The following GPR132 variants were observed in gnomAD, a reference collection of about 807,000 sequenced individuals.
GPR132 encodes the protein probable G protein-coupled receptor 132.
Under a neutral mutation model 1.9 loss-of-function variants are expected in GPR132, and 4 were observed. The ratio of observed to expected loss-of-function variants is 2.13; its 90% CI spans 1.05 to 4.87. The LOEUF is 4.87. GPR132 is among the 30% of genes most tolerant of loss of function. The probability of loss-of-function intolerance (pLI) is 0.01; values close to 1 mark genes in which losing one functional copy is unlikely to be tolerated. For missense variants in GPR132, 404 were observed against 512.5 expected (o/e 0.79, Z 2.04); for synonymous variants, 233 against 234.2 (o/e 0.99, Z 0.05).
Position 105,054,571 on chromosome 14 carries a change from C to T in GPR132, c.34+816G>A, listed in dbSNP as rs138636247. The T allele has an allele frequency of 9.2e-3, 1,974 of 214,960 alleles. 14 individuals are homozygous for T. The highest frequency in any genetic ancestry group is 0.019 in the Admixed American group (285 of 15,286). The allele number at this position is 214,960 out of a possible 1,614,324, so 13.3% of individuals were successfully genotyped here. A position where few individuals can be genotyped will look rare whatever the true frequency, so the allele number is the denominator to read the frequency against. On this transcript the variant is annotated intron_variant, in intron 3 of 3. Transcript: ENST00000329797. ...TCAGCCTCCCGAGTAGCTGGGACTA[C>T]AGGCACTCGCCACCACGCCCATCTA...
At position 105,051,091 on chromosome 14, in the gene GPR132, G is replaced by A. The variant is rs796551979; in HGVS notation, c.1046C>T (p.Ser349Leu). 4.3e-6 allele frequency: 7 copies of A among 1,614,106 alleles called. No homozygotes were observed. Among genetic ancestry groups the A allele is most frequent in the East Asian group, 4.5e-5 (2 of 44,886 alleles). ...THSRDTEELQ[S>L]PVALADHYTF... ...GTAGTGGTCTGCAAGGGCCACGGGC[G>A]ACTGCAGCTCCTCGGTGTCCCTGCT... The change falls in exon 4 of 4, where the codon TCG (serine) becomes TTG (leucine). Residue 349 changes from serine to leucine, a missense_variant. Physicochemically the swap from Ser to Leu is moderately radical, Grantham distance 145. Coordinates refer to ENST00000329797, the MANE Select transcript of GPR132 (RefSeq NM_013345.4). The surrounding 1 kb of genome is among the most constrained non-coding windows in gnomAD (Gnocchi z 8.0).
chr14:105,063,766 T>C (rs1887011634), intron 1 of GPR132, among the ~76,000 whole-genome samples: 1 of 152,176 alleles, frequency 6.6e-6, no homozygotes, highest in African/African-American at 2.4e-5. Context: ...GAGCAGTTCC[T>C]CATTCCAGCC....
At position 105,059,079 on chromosome 14, in the gene GPR132, G is replaced by A. The variant is rs993625227; in HGVS notation, c.-860-1799C>T. On this transcript the variant is annotated intron_variant, in intron 1 of 3. Transcript: ENST00000329797. This position sits in a 1 kb window ranked among gnomAD's most constrained non-coding sequence, Gnocchi z 4.2. ...TGCCTGGTGCTGCCCTCTATCAGCC[G>A]AGACCCTCATGGGAAGCCAGCAGGT... Among the ~76,000 whole-genome samples, 4 of 152,226 alleles carry A rather than the reference G, an allele frequency of 2.6e-5. No homozygotes were observed. Among genetic ancestry groups the A allele is most frequent in the African/African-American group, 9.6e-5 (4 of 41,456 alleles).
rs1886779225 is a variant in GPR132, at chr14:105,055,903, C to T, written c.-483G>A. ...CGGCTGCCTCTGTGCCTTAGCTGAG[C>T]TGCTGAGAATGACGGTGTCAAGAAC... On this transcript the variant is annotated 5_prime_UTR_variant, in exon 3 of 4. Transcript: ENST00000329797. The surrounding 1 kb of genome is among the most constrained non-coding windows in gnomAD (Gnocchi z 4.7). The T allele has an allele frequency of 6.3e-6, 1 of 158,880 alleles. No homozygotes were observed. The highest frequency in any genetic ancestry group is 2.0e-4 in the South Asian group (1 of 5,078). 9.8% of individuals were successfully genotyped at this position (158,880 alleles called of 1,614,324 possible).
At chr14:105,063,715 A>G (rs529926904) in intron 1 of GPR132, among the ~76,000 whole-genome samples, 17 of 152,246 alleles carry the variant, frequency 1.1e-4, no homozygotes, top group Admixed American at 3.9e-4. Context: ...AGACAGACAC[A>G]AAAGGACAGA....
At chr14:105,061,369 C>A (rs1042171673) in intron 1 of GPR132, among the ~76,000 whole-genome samples, 3 of 152,240 alleles carry the variant, frequency 2.0e-5, no homozygotes, top group African/African-American at 7.2e-5. Context: ...GTCCGGGGTC[C>A]CGCCAGCACC....
At chr14:105,064,664 C>G (rs1449583833) in intron 1 of GPR132, among the ~76,000 whole-genome samples, 1 of 152,152 alleles carries the variant, frequency 6.6e-6, no homozygotes, top group East Asian at 1.9e-4. Flanking sequence ...GGAGCCTCTG[C>G]TCTCCCACCT....
intron 1 of GPR132, among the ~76,000 whole-genome samples, chr14:105,062,160 C>T (rs1886961078): frequency 6.6e-6 from 1 of 152,242 alleles, no homozygotes; most frequent in Non-Finnish European, 1.5e-5. Flanking sequence ...TGTGTGGGCC[C>T]AGGTCAGCCT....
chr14:105,064,767 C>A (rs1887039400), intron 1 of GPR132, among the ~76,000 whole-genome samples: 1 of 152,180 alleles, frequency 6.6e-6, no homozygotes, highest in Non-Finnish European at 1.5e-5. Flanking sequence ...TGGTACAGAC[C>A]CACGTCATGC....
Position 105,055,480 on chromosome 14 carries a change from C to T in GPR132, c.-60G>A, listed in dbSNP as rs373088663. The T allele has an allele frequency of 8.5e-5, 66 of 775,870 alleles. 1 individual carries two copies. Among genetic ancestry groups the T allele is most frequent in the African/African-American group, 5.6e-4 (33 of 59,182 alleles). 48.1% of individuals were successfully genotyped at this position (775,870 alleles called of 1,614,324 possible). ...GGCAGAACCTTCTCATCTTCCCAAACGGAGACTCTGCCCCAGGAAGCACTC... is the reference window on the plus strand; with the variant it reads ...GGCAGAACCTTCTCATCTTCCCAAATGGAGACTCTGCCCCAGGAAGCACTC... On this transcript the variant is annotated 5_prime_UTR_variant, in exon 3 of 4. Coordinates refer to ENST00000329797, the MANE Select transcript of GPR132 (RefSeq NM_013345.4). The surrounding 1 kb of genome is among the most constrained non-coding windows in gnomAD (Gnocchi z 4.7).
chr14:105,056,185 T>A lies in GPR132; in HGVS notation c.-746-19A>T. The A allele has an allele frequency of 1.0e-6, 1 of 984,718 alleles. No individual in the cohort carries two copies. Among genetic ancestry groups the A allele is most frequent in the Non-Finnish European group, 1.2e-6 (1 of 829,596 alleles). The allele number at this position is 984,718 out of a possible 1,614,324, so 61.0% of individuals were successfully genotyped here. A position where few individuals can be genotyped will look rare whatever the true frequency, so the allele number is the denominator to read the frequency against. Reference sequence around the variant, plus strand: ...TTCCTCCCTGGGCAGAGGGAGAGAGTGGGTGTGACTGGGCTGCCTCACACT... The same window carrying A: ...TTCCTCCCTGGGCAGAGGGAGAGAGAGGGTGTGACTGGGCTGCCTCACACT... On this transcript the variant is annotated intron_variant, in intron 2 of 3. Transcript: ENST00000329797. The surrounding 1 kb of genome is among the most constrained non-coding windows in gnomAD (Gnocchi z 6.0).
intron 1 of GPR132, among the ~76,000 whole-genome samples, chr14:105,061,881 G>A (rs1886953446): frequency 6.6e-6 from 1 of 152,226 alleles, no homozygotes; most frequent in South Asian, 2.1e-4. Flanking sequence ...AAGGTCCCCG[G>A]TGCAGACTTT....
In GPR132 at chr14:105,060,170, C is replaced by A. The variant is rs1016429189; in HGVS notation, c.-860-2890G>T. Among the ~76,000 whole-genome samples the A allele has an allele frequency of 2.0e-5, 3 of 152,242 alleles. No homozygotes were observed. Among genetic ancestry groups the A allele is most frequent in the Non-Finnish European group, 4.4e-5 (3 of 68,046 alleles). The stretch of plus-strand genomic sequence containing the variant: ...GGGTGCCTGTGTGCTGGGCGCTGCC[C>A]TCCCAGCTGCTGCTCTGCCAAGATC... On this transcript the variant is annotated intron_variant, in intron 1 of 3. Transcript: ENST00000329797. The surrounding 1 kb of genome is among the most constrained non-coding windows in gnomAD (Gnocchi z 6.3).
rs1886881857 is a variant in GPR132, at chr14:105,059,380, C to T, written c.-860-2100G>A. Among the ~76,000 whole-genome samples, 1 of 152,234 alleles carries T rather than the reference C, an allele frequency of 6.6e-6. No individual in the cohort carries two copies. The highest frequency in any genetic ancestry group is 6.5e-5 in the Admixed American group (1 of 15,280). ...GCTGCCTGTGTGTTGACATCCCCAG[C>T]TGCCCTTTCAAGTATATTTCTGTGA... On this transcript the variant is annotated intron_variant, in intron 1 of 3. Transcript: ENST00000329797. The surrounding 1 kb of genome is among the most constrained non-coding windows in gnomAD (Gnocchi z 4.2).
chr14:105,057,511 C>CTTTTTTTTTTTTTTTTTTTTTT (rs11299805), intron 1 of GPR132: 3 of 88,528 alleles, frequency 3.4e-5, no homozygotes, highest in Non-Finnish European at 4.4e-5. Context: ...ACATACGATT[C>CTTTTTTTTTTTTTTTTTTTTTT]TTTTTTTTTT....
intron 3 of GPR132, among the ~76,000 whole-genome samples, chr14:105,053,136 T>A (rs1271231580): frequency 1.4e-5 from 2 of 145,750 alleles, no homozygotes; most frequent in Admixed American, 1.4e-4. Context: ...TCCTAATTCC[T>A]AACCTGTAGT....
Position 105,049,561 on chromosome 14 carries a change from T to C in GPR132, c.*1433A>G, listed in dbSNP as rs1464653999. On this transcript the variant is annotated 3_prime_UTR_variant, in exon 4 of 4. Transcript: ENST00000329797. ...GACAGGCGTGAGCACTGCCCTGCCT[T>C]GTGCTTTTATTTCTAAACACATTTT... is the stretch of plus-strand genomic sequence containing the variant. The C allele has an allele frequency of 1.3e-5, 2 of 152,164 alleles. No individual in the cohort carries two copies. The highest frequency in any genetic ancestry group is 4.8e-5 in the African/African-American group (2 of 41,412). 9.4% of individuals were successfully genotyped at this position (152,164 alleles called of 1,614,324 possible). A position where few individuals can be genotyped will look rare whatever the true frequency, so the allele number is the denominator to read the frequency against.
chr14:105,061,699 G>C (rs1034503187), intron 1 of GPR132, among the ~76,000 whole-genome samples: 1 of 152,166 alleles, frequency 6.6e-6, no homozygotes, highest in South Asian at 2.1e-4. Flanking sequence ...GCCAGGCAGA[G>C]GCTTCCTGTG....
chr14:105,054,513 C>T (rs912157829), intron 3 of GPR132: 19 of 594,002 alleles, frequency 3.2e-5, no homozygotes, highest in Middle Eastern at 8.1e-4. Context: ...CTACTGCAAC[C>T]TCTGCCTCCC....
Sources: gnomAD v4.1 joint callset for allele counts (sites outside exome capture counted in the v4.1 genomes callset) on GRCh38, gnomAD v4.1.1 for gene constraint, Gnocchi (gnomAD v3.1) non-coding constraint, MANE v1.5 for transcripts, NCBI Gene and HGNC (gene_info 2026-07-23, HGNC 2026-07-21) for gene names.